The following ATRNL1 variants were observed in gnomAD, a reference collection of about 807,000 sequenced individuals.
ATRNL1 encodes attractin-like protein 1.
Under a neutral mutation model 182.7 loss-of-function variants are expected in ATRNL1, and 95 were observed. The observed-to-expected ratio is 0.52, with a 90% CI of 0.44 to 0.62. The LOEUF (loss-of-function observed/expected upper bound fraction) is 0.62. Ranked by LOEUF, ATRNL1 falls within the 20% of genes least tolerant of loss-of-function variation. The pLI is 0.00. For synonymous variants in ATRNL1, 576 were observed against 568.3 expected (o/e 1.01, Z -0.19); for missense variants, 1,471 against 1,679.5 (o/e 0.88, Z 2.17).
chr10:115,330,542 G>A (rs986546459), intron 18 of ATRNL1, among the ~76,000 whole-genome samples: 24 of 151,956 alleles, frequency 1.6e-4, no homozygotes, highest in Non-Finnish European at 2.8e-4. Flanking sequence ...TAATAAGTTT[G>A]CTCTATACGG....
chr10:115,529,250 A>G (rs1409157248), intron 25 of ATRNL1, among the ~76,000 whole-genome samples: 1 of 151,850 alleles, frequency 6.6e-6, no homozygotes, highest in Admixed American at 6.6e-5. Context: ...CTCTGTTCCT[A>G]TTGTTACTTT....
chr10:115,880,534 G>A (rs1951803240), intron 28 of ATRNL1, among the ~76,000 whole-genome samples: 1 of 152,166 alleles, frequency 6.6e-6, no homozygotes, highest in South Asian at 2.1e-4. Flanking sequence ...AGGCTGAGGA[G>A]AATCGCTTGA....
intron 14 of ATRNL1, among the ~76,000 whole-genome samples, chr10:115,282,402 TC>T (rs1274812428): frequency 2.7e-5 from 4 of 150,822 alleles, no homozygotes; most frequent in African/African-American, 9.7e-5. Context: ...ATGCTATCCC[TC>T]CCCCCTCTCC....
intron 5 of ATRNL1, among the ~76,000 whole-genome samples, chr10:115,157,240 T>C (rs1007310636): frequency 1.3e-5 from 2 of 152,080 alleles, no homozygotes; most frequent in Non-Finnish European, 2.9e-5. Context: ...AAAAAAATTT[T>C]AAAAAGTGGA....
At chr10:115,550,440 A>G (rs2784808) in intron 26 of ATRNL1, among the ~76,000 whole-genome samples, 106,008 of 151,524 alleles carry the variant, frequency 0.7, 38,170 homozygotes, top group African/African-American at 0.78. Context: ...GTTCTAAGCT[A>G]TAGAATTAGT....
intron 9 of ATRNL1, among the ~76,000 whole-genome samples, chr10:115,227,423 T>C (rs1592288212): frequency 6.6e-6 from 1 of 152,144 alleles, no homozygotes; most frequent in African/African-American, 2.4e-5. Context: ...CAGCAGATTC[T>C]TATGAGACTG....
chr10:115,730,994 C>T (rs573150096), intron 27 of ATRNL1, among the ~76,000 whole-genome samples: 7 of 152,202 alleles, frequency 4.6e-5, no homozygotes, highest in Non-Finnish European at 8.8e-5. Flanking sequence ...CTAGTCTTTT[C>T]GTGTTTTTTT....
At chr10:115,415,062 A>G (rs1189110135) in intron 20 of ATRNL1, among the ~76,000 whole-genome samples, 3 of 151,994 alleles carry the variant, frequency 2.0e-5, no homozygotes, top group Non-Finnish European at 2.9e-5. Context: ...ATTCCTTTCA[A>G]TGGGATTGTT....
intron 27 of ATRNL1, among the ~76,000 whole-genome samples, chr10:115,752,103 ATGAC>A (rs1948465250): frequency 6.6e-6 from 1 of 152,062 alleles, no homozygotes; most frequent in Non-Finnish European, 1.5e-5. Flanking sequence ...ATAAATATGA[ATGAC>A]TGAATCTTAT....
At chr10:115,479,090 G>C (rs1418701413) in intron 24 of ATRNL1, among the ~76,000 whole-genome samples, 1 of 151,444 alleles carries the variant, frequency 6.6e-6, no homozygotes, top group Admixed American at 6.6e-5. Flanking sequence ...ATCATTGTTG[G>C]CAAAATTCAC....
In ATRNL1 at chr10:115,813,524, T is replaced by C. The variant is rs561256192; in HGVS notation, c.3904-34353T>C. Among the ~76,000 whole-genome samples, 6 of 152,322 alleles carry C rather than the reference T, an allele frequency of 3.9e-5. No homozygotes were observed. In the South Asian group the frequency reaches 1.2e-3, roughly 32 times the overall value. Reference sequence around the variant, plus strand: ...ATATCACTGAAAGAATATCAAAAACTGATTTTATGCTATTGCAGTAAGATA... The same window carrying C: ...ATATCACTGAAAGAATATCAAAAACCGATTTTATGCTATTGCAGTAAGATA... On this transcript the variant is annotated intron_variant, in intron 27 of 28. Transcript: ENST00000355044.
intron 26 of ATRNL1, among the ~76,000 whole-genome samples, chr10:115,723,409 A>C (rs556487037): frequency 6.6e-6 from 1 of 152,304 alleles, no homozygotes; most frequent in South Asian, 2.1e-4. Context: ...GCTAGTATCA[A>C]GTTTGGGGAA....
intron 26 of ATRNL1, among the ~76,000 whole-genome samples, chr10:115,637,640 T>TATTATTATTATC: frequency 6.8e-6 from 1 of 146,280 alleles, no homozygotes; most frequent in Admixed American, 6.9e-5. Context: ...TTATTATTAT[T>TATTATTATTATC]TTGAGATGGA....
intron 19 of ATRNL1, among the ~76,000 whole-genome samples, chr10:115,375,297 T>G (rs553933052): frequency 5.3e-5 from 8 of 152,024 alleles, no homozygotes; most frequent in Non-Finnish European, 1.2e-4. Context: ...ACCCCTGATC[T>G]CATTTGGTTA....
chr10:115,876,434 A>G (rs938410203), intron 28 of ATRNL1, among the ~76,000 whole-genome samples: 10 of 152,222 alleles, frequency 6.6e-5, no homozygotes, highest in Non-Finnish European at 1.5e-4. Flanking sequence ...TGATAACAAC[A>G]TGAAGATACC....
intron 3 of ATRNL1, among the ~76,000 whole-genome samples, chr10:115,123,538 T>A (rs1844832864): frequency 6.6e-6 from 1 of 152,160 alleles, no homozygotes; most frequent in Non-Finnish European, 1.5e-5. Flanking sequence ...TGTCACAGGC[T>A]TAGAGTACAT....
intron 19 of ATRNL1, among the ~76,000 whole-genome samples, chr10:115,344,608 A>T (rs2134104362): frequency 6.6e-6 from 1 of 152,312 alleles, no homozygotes; most frequent in South Asian, 2.1e-4. Context: ...CCAAGACCCC[A>T]CTTGGTGCTC....
At chr10:115,866,662 T>C (rs1197239159) in intron 28 of ATRNL1, among the ~76,000 whole-genome samples, 2 of 152,194 alleles carry the variant, frequency 1.3e-5, no homozygotes, top group Non-Finnish European at 2.9e-5. Flanking sequence ...CAGGAAAGCA[T>C]TAAATACAGC....
intron 1 of ATRNL1, among the ~76,000 whole-genome samples, chr10:115,115,851 C>G (rs1335027358): frequency 6.6e-6 from 1 of 152,124 alleles, no homozygotes; most frequent in Non-Finnish European, 1.5e-5. Context: ...TAGACAACAA[C>G]ATCCCACTAG....
Sources: allele counts gnomAD v4.1 joint callset (sites outside exome capture counted in the v4.1 genomes callset), GRCh38; gene constraint gnomAD v4.1.1; transcripts MANE v1.5; gene names NCBI Gene and HGNC (gene_info 2026-07-23, HGNC 2026-07-21).